RASAL2: variants seen among roughly 807,000 people sequenced by gnomAD.
RASAL2 encodes ras GTPase-activating protein nGAP.
Under a neutral mutation model 128.9 loss-of-function variants are expected in RASAL2, and 58 were observed. The observed-to-expected ratio is 0.45, with a 90% CI of 0.36 to 0.56. The LOEUF is 0.56. RASAL2 is among the 20% of genes least tolerant of loss of function. The probability of loss-of-function intolerance (pLI) is 0.00; values close to 1 mark genes in which losing one functional copy is unlikely to be tolerated. For missense variants in RASAL2, 1,360 were observed against 1,601.6 expected (o/e 0.85, Z 2.57); for synonymous variants, 561 against 580.8 (o/e 0.97, Z 0.49).
chr1:178,259,810 C>G (rs1558148814), intron 1 of RASAL2, among the ~76,000 whole-genome samples: 1 of 152,120 alleles, frequency 6.6e-6, no homozygotes, highest in African/African-American at 2.4e-5. Flanking sequence ...GTCATCCTCC[C>G]TCCTTGGCCT....
chr1:178,467,522 G>A lies in RASAL2; in HGVS notation c.3678+101G>A, dbSNP rs967848466. On this transcript the variant is annotated intron_variant, in intron 17 of 17. Transcript: ENST00000367649. Reference sequence around the variant, plus strand: ...TGCCAAGGCAGGTACCCAAAAATGTGTCATTGAAAAGTTCTAGACGCTACA... The same window carrying A: ...TGCCAAGGCAGGTACCCAAAAATGTATCATTGAAAAGTTCTAGACGCTACA... 65 of 945,068 alleles carry A rather than the reference G, an allele frequency of 6.9e-5. 1 individual carries two copies. The highest frequency in any genetic ancestry group is 2.1e-4 in the Middle Eastern group (1 of 4,666). 58.5% of individuals were successfully genotyped at this position (945,068 alleles called of 1,614,324 possible). A position where few individuals can be genotyped will look rare whatever the true frequency, so the allele number is the denominator to read the frequency against.
rs74131362 is a variant in RASAL2 at position 178,446,567 on chromosome 1, G to T, written c.1627+905G>T. On this transcript the variant is annotated intron_variant, in intron 9 of 17. Coordinates refer to ENST00000367649, the MANE Select transcript of RASAL2 (RefSeq NM_170692.4). ...ACTTTTTTATTCTTTTTGAAAATCAGTGTGTATTTCACATGTATCACACAT... is the reference window on the plus strand; with the variant it reads ...ACTTTTTTATTCTTTTTGAAAATCATTGTGTATTTCACATGTATCACACAT... Among the ~76,000 whole-genome samples the T allele has an allele frequency of 9.4e-3, 1,428 of 152,190 alleles. 27 individuals are homozygous for T. The highest frequency in any genetic ancestry group is 0.033 in the African/African-American group (1,375 of 41,524).
chr1:178,365,429 C>CTGTTATGTTATGTTATGTTA (rs71567192), intron 3 of RASAL2, among the ~76,000 whole-genome samples: 66 of 141,606 alleles, frequency 4.7e-4, no homozygotes, highest in Non-Finnish European at 5.7e-4. Context: ...CTCTAGTTGC[C>CTGTTATGTTATGTTATGTTA]TGTTATGTTA....
intron 1 of RASAL2, among the ~76,000 whole-genome samples, chr1:178,114,699 C>T (rs901506439): frequency 6.6e-6 from 1 of 151,862 alleles, no homozygotes; most frequent in African/African-American, 2.4e-5. Context: ...TTTTTTCTAT[C>T]TTTTAGTAGA....
At chr1:178,241,972 G>A (rs1344022686) in intron 1 of RASAL2, among the ~76,000 whole-genome samples, 2 of 152,152 alleles carry the variant, frequency 1.3e-5, no homozygotes, top group African/African-American at 4.8e-5. Flanking sequence ...AGGGAGCACT[G>A]GTCAGAGCAC....
intron 2 of RASAL2, among the ~76,000 whole-genome samples, chr1:178,289,637 T>C (rs139110265): frequency 2.3e-4 from 35 of 152,200 alleles, no homozygotes; most frequent in African/African-American, 7.5e-4. Flanking sequence ...TAGACTCATA[T>C]ATCCATCTGT....
chr1:178,222,628 A>G (rs1271262924), intron 1 of RASAL2, among the ~76,000 whole-genome samples: 1 of 152,080 alleles, frequency 6.6e-6, no homozygotes. Flanking sequence ...CAATGTTGAT[A>G]TTTGTTTCAG....
chr1:178,337,667 A>G (rs765505414), intron 3 of RASAL2, among the ~76,000 whole-genome samples: 9 of 152,076 alleles, frequency 5.9e-5, no homozygotes, highest in South Asian at 4.2e-4. Context: ...AGAGGAGAAC[A>G]TAGGTATCCA....
At chr1:178,189,047 G>T (rs555463754) in intron 1 of RASAL2, among the ~76,000 whole-genome samples, 1 of 152,160 alleles carries the variant, frequency 6.6e-6, no homozygotes, top group South Asian at 2.1e-4. Flanking sequence ...TTCAAATGTT[G>T]ATTTATGTTA....
chr1:178,105,526 C>T (rs1349474863), intron 1 of RASAL2, among the ~76,000 whole-genome samples: 2 of 152,152 alleles, frequency 1.3e-5, no homozygotes, highest in East Asian at 1.9e-4. Context: ...TTGTTTAATT[C>T]GGGCAGGATA....
intron 4 of RASAL2, among the ~76,000 whole-genome samples, chr1:178,394,706 A>T (rs904383727): frequency 6.6e-6 from 1 of 152,338 alleles, no homozygotes; most frequent in African/African-American, 2.4e-5. Context: ...TGGCTCTGAA[A>T]GAATTCAGGC....
intron 1 of RASAL2, among the ~76,000 whole-genome samples, chr1:178,203,855 C>T (rs1199393449): frequency 2.0e-5 from 3 of 152,126 alleles, no homozygotes; most frequent in African/African-American, 7.2e-5. Context: ...TTAGTATTAC[C>T]ATACTCTGTG....
intron 1 of RASAL2, among the ~76,000 whole-genome samples, chr1:178,236,756 C>CT (rs549848632): frequency 0.013 from 1,490 of 118,376 alleles, 15 homozygotes; most frequent in Middle Eastern, 0.026. Flanking sequence ...TTGGACACTA[C>CT]TTTTTTTTTT....
At chr1:178,124,326 A>T (rs1490795937) in intron 1 of RASAL2, among the ~76,000 whole-genome samples, 2 of 152,030 alleles carry the variant, frequency 1.3e-5, no homozygotes, top group African/African-American at 4.8e-5. Flanking sequence ...TCACAACTGG[A>T]GTAGGGGGGT....
intron 1 of RASAL2, among the ~76,000 whole-genome samples, chr1:178,184,301 T>C (rs1317485178): frequency 6.6e-6 from 1 of 152,140 alleles, no homozygotes; most frequent in Non-Finnish European, 1.5e-5. Flanking sequence ...TAATTTTAAT[T>C]AAATCCTGCA....
intron 1 of RASAL2, among the ~76,000 whole-genome samples, chr1:178,109,760 G>T (rs765087679): frequency 6.6e-6 from 1 of 152,112 alleles, no homozygotes; most frequent in Non-Finnish European, 1.5e-5. Context: ...GTTGGCTGAC[G>T]TCTATAATCC....
intron 2 of RASAL2, among the ~76,000 whole-genome samples, chr1:178,298,511 C>G (rs1170275703): frequency 6.6e-6 from 1 of 152,146 alleles, no homozygotes; most frequent in Non-Finnish European, 1.5e-5. Context: ...TTTTCCTTGC[C>G]ATCATCTCCT....
At chr1:178,219,644 A>AG (rs1429729537) in intron 1 of RASAL2, among the ~76,000 whole-genome samples, 1 of 151,438 alleles carries the variant, frequency 6.6e-6, no homozygotes, top group Non-Finnish European at 1.5e-5. Context: ...AAAAAAAAAA[A>AG]AAAGAAAGAA....
intron 1 of RASAL2, among the ~76,000 whole-genome samples, chr1:178,190,388 A>G (rs1402805744): frequency 5.3e-5 from 8 of 152,222 alleles, no homozygotes; most frequent in Non-Finnish European, 5.9e-5. Flanking sequence ...GGCCTTACAC[A>G]CAGAGTGGTA....
Sources: gnomAD v4.1 joint callset for allele counts (sites outside exome capture counted in the v4.1 genomes callset) on GRCh38, gnomAD v4.1.1 for gene constraint, MANE v1.5 for transcripts, NCBI Gene and HGNC (gene_info 2026-07-23, HGNC 2026-07-21) for gene names.